SMCHD1: variants seen among roughly 807,000 people sequenced by gnomAD.
The protein encoded by SMCHD1 is structural maintenance of chromosomes flexible hinge domain-containing protein 1.
Under a neutral mutation model 254.7 loss-of-function variants are expected in SMCHD1, and 78 were observed. The ratio of observed to expected loss-of-function variants is 0.31; its 90% CI spans 0.26 to 0.37. SMCHD1 has a LOEUF of 0.37. Among genes scored for constraint, SMCHD1 ranks in the 10% least tolerant of loss-of-function variants. The pLI, the probability that SMCHD1 is intolerant of heterozygous loss-of-function variation, is 1.00. For missense variants in SMCHD1, 1,840 were observed against 2,408.1 expected, an observed-to-expected ratio of 0.76 and a Z score of 4.94; for synonymous variants, 766 against 794.9, an observed-to-expected ratio of 0.96 and a Z score of 0.61.
intron 20 of SMCHD1, among the ~76,000 whole-genome samples, chr18:2,723,641 C>G (rs979439520): frequency 6.6e-6 from 1 of 152,108 alleles, no homozygotes; most frequent in Non-Finnish European, 1.5e-5. Flanking sequence ...TGCATTCGTT[C>G]CAGATAACCT....
chr18:2,707,112 A>G (rs2074534267), intron 15 of SMCHD1, among the ~76,000 whole-genome samples: 1 of 152,210 alleles, frequency 6.6e-6, no homozygotes, highest in South Asian at 2.1e-4. Flanking sequence ...TGGGGATTAG[A>G]ATTCGAGATG....
At position 2,762,129 on chromosome 18, in the gene SMCHD1, C is replaced by A. The variant is rs1329504858; in HGVS notation, c.4459C>A (p.Gln1487Lys). The A allele has an allele frequency of 6.2e-7, 1 of 1,613,544 alleles. No homozygotes were observed. ...EQVIVEVLPN[Q>K]PVKLVPKIKP... ...GGTTATAGTTGAAGTCCTGCCTAAT[C>A]AACCTGTGAAGTTAGTACCTAAAAT... The change falls in exon 36 of 48, where the codon CAA becomes AAA. Residue 1487 changes from glutamine to lysine, a missense_variant. By Grantham distance (53) the Gln-to-Lys change is moderately conservative (BLOSUM62 1). This residue lies in a region of SMCHD1 where 881 missense variants were observed against 1,009.5 expected (regional missense o/e 0.87). Coordinates refer to ENST00000320876, the MANE Select transcript of SMCHD1 (RefSeq NM_015295.3).
At chr18:2,662,740 T>A (rs1220449562) in intron 1 of SMCHD1, among the ~76,000 whole-genome samples, 1 of 149,376 alleles carries the variant, frequency 6.7e-6, no homozygotes, top group Admixed American at 6.6e-5. Context: ...AATACACGAC[T>A]GTCATGGTTA....
At chr18:2,733,999 G>A (rs766745069) in intron 25 of SMCHD1, among the ~76,000 whole-genome samples, 4 of 152,082 alleles carry the variant, frequency 2.6e-5, no homozygotes, top group African/African-American at 4.8e-5. Context: ...CTTCCATACC[G>A]GTATACACCA....
At chr18:2,791,941 G>T (rs969844335) in intron 45 of SMCHD1, among the ~76,000 whole-genome samples, 1 of 152,130 alleles carries the variant, frequency 6.6e-6, no homozygotes, top group Non-Finnish European at 1.5e-5. Context: ...GAAACACCCT[G>T]AAGAGGAAAC....
At chr18:2,708,914 T>TATA (rs1568199382) in intron 17 of SMCHD1, among the ~76,000 whole-genome samples, 1 of 51,586 alleles carries the variant, frequency 1.9e-5, no homozygotes, top group African/African-American at 1.1e-4. Context: ...ATATAACATA[T>TATA]TAACATGAAA....
chr18:2,739,659 A>G (rs1383736786), intron 27 of SMCHD1, 139 bp downstream of exon 27: 3 of 618,862 alleles, frequency 4.8e-6, no homozygotes, highest in Admixed American at 6.6e-5. Flanking sequence ...CTATTGTCAG[A>G]TAAGATTGAA....
At chr18:2,712,754 C>T (rs2074709548) in intron 17 of SMCHD1, among the ~76,000 whole-genome samples, 1 of 152,174 alleles carries the variant, frequency 6.6e-6, no homozygotes, top group Non-Finnish European at 1.5e-5. Context: ...TGCACTGCTC[C>T]AGCTCATTTT....
chr18:2,692,686 G>C (rs1283419597), intron 7 of SMCHD1, among the ~76,000 whole-genome samples: 1 of 151,978 alleles, frequency 6.6e-6, no homozygotes, highest in African/African-American at 2.4e-5. Context: ...GTTCTCATTT[G>C]TCTGGAATGT....
intron 36 of SMCHD1, 86 bp downstream of exon 36, chr18:2,762,322 C>A: frequency 7.9e-7 from 1 of 1,273,312 alleles, no homozygotes. Context: ...TGTATGGATT[C>A]TGTCAGTTAC....
At chr18:2,753,592 G>T (rs1438029653) in intron 34 of SMCHD1, among the ~76,000 whole-genome samples, 1 of 152,178 alleles carries the variant, frequency 6.6e-6, no homozygotes, top group Non-Finnish European at 1.5e-5. Flanking sequence ...TTGCTAGAGT[G>T]CAATGCCTAG....
chr18:2,715,549 T>C lies in SMCHD1; in HGVS notation c.2261-2609T>C, dbSNP rs1388462083. On this transcript the variant is annotated intron_variant, in intron 17 of 47. Transcript: ENST00000320876. ...TTAGTTTTCAGCTATCTCCTGTATC[T>C]CATAGAGCTTCTTTAAAAATCAGTA... 1.7e-4 allele frequency among the ~76,000 whole-genome samples: 25 copies of C among 151,326 alleles called. No individual in the cohort carries two copies. In the Admixed American group the frequency reaches 1.7e-3, roughly 10 times the overall value.
chr18:2,781,962 A>C (rs1481887944), intron 44 of SMCHD1, among the ~76,000 whole-genome samples: 3 of 152,222 alleles, frequency 2.0e-5, no homozygotes, highest in Non-Finnish European at 4.4e-5. Context: ...GATGGCTGAA[A>C]ATATCTTAAA....
chr18:2,725,302 G>GT (rs200299311), intron 21 of SMCHD1, among the ~76,000 whole-genome samples: 2,460 of 141,462 alleles, frequency 0.017, 21 homozygotes, highest in African/African-American at 0.033. Context: ...GGACTCTGCT[G>GT]TTTTTTTTTT....
chr18:2,676,125 G>A (rs1249089851), intron 5 of SMCHD1, among the ~76,000 whole-genome samples: 2 of 152,132 alleles, frequency 1.3e-5, no homozygotes, highest in Admixed American at 6.6e-5. Flanking sequence ...AAGGATGGAT[G>A]TCATAGAAGA....
chr18:2,677,337 A>T (rs1256699106), intron 5 of SMCHD1, among the ~76,000 whole-genome samples: 1 of 152,210 alleles, frequency 6.6e-6, no homozygotes, highest in Non-Finnish European at 1.5e-5. Flanking sequence ...AAGTATCCGT[A>T]TTAATTTCTA....
At position 2,729,174 on chromosome 18, in the gene SMCHD1, A is replaced by G. The variant is rs565987914; in HGVS notation, c.2914-101A>G. On this transcript the variant is annotated intron_variant, in intron 23 of 47. Transcript: ENST00000320876. Reference sequence around the variant, plus strand: ...ACTTAGAATTTTCTTATTCATTGCCAGAAATAGTAGCTCTACTGAATTATT... The same window carrying G: ...ACTTAGAATTTTCTTATTCATTGCCGGAAATAGTAGCTCTACTGAATTATT... 244 of 973,894 alleles carry G rather than the reference A, an allele frequency of 2.5e-4. 6 individuals carry two copies. In the South Asian group the frequency reaches 6.6e-3, roughly 26 times the overall value. The allele number at this position is 973,894 out of a possible 1,614,324, so 60.3% of individuals were successfully genotyped here. A position where few individuals can be genotyped will look rare whatever the true frequency, so the allele number is the denominator to read the frequency against.
intron 12 of SMCHD1, chr18:2,702,177 C>T (rs1373377929): frequency 4.0e-5 from 6 of 151,070 alleles, no homozygotes; most frequent in Non-Finnish European, 7.4e-5. Flanking sequence ...ATTCAAGCTG[C>T]GCATAATGGT....
At chr18:2,697,768 T>C (rs748337522) in intron 9 of SMCHD1, 63 bp from the exon 10 acceptor site, 39 of 1,073,888 alleles carry the variant, frequency 3.6e-5, no homozygotes, top group Non-Finnish European at 4.6e-5. Flanking sequence ...TGTTGAATCA[T>C]AGCTGAGAAC....
Sources: gnomAD v4.1 joint callset for allele counts (sites outside exome capture counted in the v4.1 genomes callset) on GRCh38, gnomAD v4.1.1 for gene constraint, gnomAD v4.1.1 regional missense constraint, MANE v1.5 for transcripts, NCBI Gene and HGNC (gene_info 2026-07-23, HGNC 2026-07-21) for gene names.